The following TUNAR variants were observed in gnomAD, a reference collection of about 807,000 sequenced individuals.
TUNAR encodes transmembrane neural differentiation associated intracellular calcium regulator, also known as protein TUNAR.
intron 2 of TUNAR, among the ~76,000 whole-genome samples, chr14:95,907,133 C>T (rs59846043): frequency 0.024 from 3,641 of 152,268 alleles, 132 homozygotes; most frequent in African/African-American, 0.082. Flanking sequence ...GGTCCTTCCT[C>T]CTTCCTTTTT....
chr14:95,896,371 G>A (rs1388567612), intron 2 of TUNAR, among the ~76,000 whole-genome samples: 4 of 152,200 alleles, frequency 2.6e-5, no homozygotes, highest in Non-Finnish European at 5.9e-5. Context: ...CTAAGTAGCG[G>A]CAGTGCACAG....
rs994905973 is a variant in TUNAR, at chr14:95,921,366, G to A, written c.13-1415G>A. ...CCAGTGGAAGAAATGTAGCTATGGG[G>A]CTGGCCTGGTGCACATCACATCACA... On this transcript the variant is annotated intron_variant, in intron 2 of 2. Coordinates refer to ENST00000678517, the Ensembl canonical transcript of TUNAR. 8.5e-5 allele frequency among the ~76,000 whole-genome samples: 13 copies of A among 152,288 alleles called. No homozygotes were observed. In the South Asian group the frequency reaches 1.9e-3, roughly 22 times the overall value.
intron 2 of TUNAR, among the ~76,000 whole-genome samples, chr14:95,896,986 G>C (rs1889279872): frequency 6.6e-6 from 1 of 152,206 alleles, no homozygotes; most frequent in Non-Finnish European, 1.5e-5. Context: ...GTTGGAATTT[G>C]TTCCTTCAAA....
At chr14:95,922,059 T>C (rs1889705966) in intron 2 of TUNAR, among the ~76,000 whole-genome samples, 1 of 152,194 alleles carries the variant, frequency 6.6e-6, no homozygotes. Context: ...TGTCCATGCC[T>C]CCAGGTGCAC....
intron 2 of TUNAR, among the ~76,000 whole-genome samples, chr14:95,910,439 A>G (rs1479197709): frequency 1.3e-5 from 2 of 152,272 alleles, no homozygotes; most frequent in African/African-American, 4.8e-5. Context: ...GTATTTATTA[A>G]TTAGTAGCTA....
At chr14:95,904,702 G>A (rs1031296110) in intron 2 of TUNAR, among the ~76,000 whole-genome samples, 4 of 152,204 alleles carry the variant, frequency 2.6e-5, no homozygotes, top group African/African-American at 9.7e-5. Context: ...TAGAGGTGGG[G>A]AGCCCCTTCC....
chr14:95,878,712 C>T (rs990740612), intron 2 of TUNAR, among the ~76,000 whole-genome samples: 6 of 152,184 alleles, frequency 3.9e-5, no homozygotes, highest in Non-Finnish European at 8.8e-5. Context: ...AGGTGAAGCT[C>T]GAGCTGTGCT....
chr14:95,895,577 C>A lies in TUNAR; in HGVS notation c.12+18400C>A, dbSNP rs543677440. 1.8e-4 allele frequency among the ~76,000 whole-genome samples: 27 copies of A among 152,254 alleles called. No individual in the cohort carries two copies. Among genetic ancestry groups the A allele is most frequent in the African/African-American group, 6.5e-4 (27 of 41,536 alleles). On this transcript the variant is annotated intron_variant, in intron 2 of 2. Transcript: ENST00000678517. The surrounding 1 kb of genome is among the most constrained non-coding windows in gnomAD (Gnocchi z 4.5). ...CGACGCATCCTCCAGGATCATGGTT[C>A]GCTCAGCCTCACATTGCTACAAAGT...
At chr14:95,886,786 A>G (rs1889084742) in intron 2 of TUNAR, among the ~76,000 whole-genome samples, 1 of 152,240 alleles carries the variant, frequency 6.6e-6, no homozygotes, top group Admixed American at 6.5e-5. Flanking sequence ...GCCAATGCCC[A>G]GTGCCCATTG....
chr14:95,910,422 G>A (rs1247863855), intron 2 of TUNAR, among the ~76,000 whole-genome samples: 1 of 152,174 alleles, frequency 6.6e-6, no homozygotes, highest in African/African-American at 2.4e-5. Flanking sequence ...ATGGATGGAG[G>A]AACTGTGTAT....
At chr14:95,882,313 G>A (rs1430908996) in intron 2 of TUNAR, among the ~76,000 whole-genome samples, 1 of 152,204 alleles carries the variant, frequency 6.6e-6, no homozygotes, top group Non-Finnish European at 1.5e-5. Flanking sequence ...GCTTTGCAGA[G>A]TCACCAGAGA....
intron 2 of TUNAR, among the ~76,000 whole-genome samples, chr14:95,914,844 C>T (rs774132837): frequency 1.3e-5 from 2 of 152,130 alleles, no homozygotes; most frequent in Non-Finnish European, 2.9e-5. Context: ...GCTGATAAAC[C>T]ACTGAGACAA....
chr14:95,924,912 C>A (rs1355628371), exon 3 of TUNAR: 1 of 152,228 alleles, frequency 6.6e-6, no homozygotes, highest in East Asian at 1.9e-4. Flanking sequence ...TCTCCCTCAC[C>A]CATGCTATAG....
chr14:95,886,357 A>G (rs1256807003), intron 2 of TUNAR, among the ~76,000 whole-genome samples: 1 of 152,260 alleles, frequency 6.6e-6, no homozygotes, highest in Non-Finnish European at 1.5e-5. Flanking sequence ...CTGGCTGGAC[A>G]AAGGGAACAT....
intron 2 of TUNAR, among the ~76,000 whole-genome samples, chr14:95,922,311 A>G (rs1377525334): frequency 6.6e-6 from 1 of 152,044 alleles, no homozygotes. Context: ...CCCTACCCAT[A>G]CCGCAGTCAG....
At chr14:95,894,266 CTT>C (rs1889224230) in intron 2 of TUNAR, among the ~76,000 whole-genome samples, 1 of 151,270 alleles carries the variant, frequency 6.6e-6, no homozygotes, top group African/African-American at 2.5e-5. Flanking sequence ...AAATTCCCCT[CTT>C]TTGGGATCAG....
rs1318754593 is a variant in TUNAR, at chr14:95,895,811, A to T, written c.12+18634A>T. On this transcript the variant is annotated intron_variant, in intron 2 of 2. Transcript: ENST00000678517. This position sits in a 1 kb window ranked among gnomAD's most constrained non-coding sequence, Gnocchi z 4.5. ...TCTCCCGCTTCTCTTCCTCCTTCAG[A>T]TCTCAGCCCGCTGTCGCCTTCTCTC... 6.6e-6 allele frequency: 1 copy of T among 152,210 alleles called. No homozygotes were observed. The highest frequency in any genetic ancestry group is 1.5e-5 in the Non-Finnish European group (1 of 68,130). 9.4% of individuals were successfully genotyped at this position (152,210 alleles called of 1,614,324 possible).
intron 2 of TUNAR, among the ~76,000 whole-genome samples, chr14:95,892,324 T>C (rs1409683950): frequency 1.3e-5 from 2 of 152,268 alleles, no homozygotes; most frequent in Admixed American, 1.3e-4. Flanking sequence ...TGAAGTCAGC[T>C]GCTGCCAGCC....
At chr14:95,878,180 C>G (rs186387439) in intron 2 of TUNAR, among the ~76,000 whole-genome samples, 86 of 152,354 alleles carry the variant, frequency 5.6e-4, no homozygotes, top group African/African-American at 2.0e-3. Flanking sequence ...TTCTGAGCCC[C>G]AAACACTTCT....
Sources: allele counts gnomAD v4.1 joint callset (sites outside exome capture counted in the v4.1 genomes callset), GRCh38; gene constraint gnomAD v4.1.1; non-coding constraint Gnocchi (gnomAD v3.1); transcripts MANE v1.5; gene names NCBI Gene and HGNC (gene_info 2026-07-23, HGNC 2026-07-21).